KCNIP4: variants seen among roughly 807,000 people sequenced by gnomAD.
KCNIP4 encodes potassium voltage-gated channel interacting protein 4, also known as Kv channel-interacting protein 4.
In KCNIP4, 12 loss-of-function variants were observed where a neutral mutation model predicts 34.0. The observed-to-expected ratio is 0.35, with a 90% CI of 0.23 to 0.57. The LOEUF (loss-of-function observed/expected upper bound fraction) is 0.57. Among genes scored for constraint, KCNIP4 ranks in the 20% least tolerant of loss-of-function variants. KCNIP4 has a pLI of 0.83. For synonymous variants in KCNIP4, 124 were observed against 102.2 expected (o/e 1.21, Z -1.29); for missense variants, 238 against 311.7 (o/e 0.76, Z 1.78).
At chr4:21,680,565 C>A (rs931874337) in intron 1 of KCNIP4, among the ~76,000 whole-genome samples, 2 of 152,202 alleles carry the variant, frequency 1.3e-5, no homozygotes, top group African/African-American at 4.8e-5. Context: ...GAATCACTAT[C>A]TATGACAGTT....
At chr4:21,613,611 A>G (rs1744338816) in intron 1 of KCNIP4, 1 of 152,186 alleles carries the variant, frequency 6.6e-6, no homozygotes, top group South Asian at 2.1e-4. Context: ...TTTTGAGGTA[A>G]TTTATTATGT....
At chr4:20,736,473 C>G (rs1328708111) in intron 5 of KCNIP4, among the ~76,000 whole-genome samples, 3 of 151,704 alleles carry the variant, frequency 2.0e-5, no homozygotes, top group African/African-American at 7.3e-5. Context: ...AATTTTATAC[C>G]CTGTCAATTT....
chr4:21,738,100 T>C (rs945940350), intron 1 of KCNIP4, among the ~76,000 whole-genome samples: 4 of 28,420 alleles, frequency 1.4e-4, no homozygotes, highest in African/African-American at 7.2e-4. Context: ...TCAAAATAAA[T>C]AAATAAATAA....
chr4:20,921,742 T>G (rs779248240), intron 1 of KCNIP4, among the ~76,000 whole-genome samples: 2 of 152,206 alleles, frequency 1.3e-5, no homozygotes, highest in East Asian at 3.9e-4. Context: ...TGGTTCTGCA[T>G]AGAACATTTT....
chr4:20,775,561 T>C (rs1420767411), intron 3 of KCNIP4, among the ~76,000 whole-genome samples: 1 of 143,220 alleles, frequency 7.0e-6, no homozygotes, highest in Non-Finnish European at 1.5e-5. Context: ...AAAAAAAAGT[T>C]AGCCAGGAGT....
chr4:21,101,177 A>G (rs1747909737), intron 1 of KCNIP4, among the ~76,000 whole-genome samples: 1 of 152,082 alleles, frequency 6.6e-6, no homozygotes, highest in East Asian at 1.9e-4. Context: ...ATCTGTACGC[A>G]TTGTTCAGCT....
chr4:20,760,090 C>G (rs1010057101), intron 3 of KCNIP4, among the ~76,000 whole-genome samples: 1 of 152,084 alleles, frequency 6.6e-6, no homozygotes, highest in Non-Finnish European at 1.5e-5. Flanking sequence ...ATAAGTGGAC[C>G]CACACACTTC....
At chr4:21,580,292 G>A (rs988839901) in intron 1 of KCNIP4, among the ~76,000 whole-genome samples, 16 of 151,932 alleles carry the variant, frequency 1.1e-4, no homozygotes, top group Non-Finnish European at 2.2e-4. Context: ...ATTGACCTAT[G>A]TTCCACATAA....
intron 1 of KCNIP4, among the ~76,000 whole-genome samples, chr4:21,019,469 A>G (rs1739852185): frequency 6.6e-6 from 1 of 152,084 alleles, no homozygotes; most frequent in South Asian, 2.1e-4. Context: ...ATAACCTCAT[A>G]TTAACGGAAC....
At chr4:20,910,507 G>T (rs1004166555) in intron 1 of KCNIP4, among the ~76,000 whole-genome samples, 7 of 152,112 alleles carry the variant, frequency 4.6e-5, no homozygotes, top group African/African-American at 1.7e-4. Flanking sequence ...GGCTGAACAT[G>T]ACAAGAATAG....
At chr4:20,894,002 A>C (rs1272632183) in intron 1 of KCNIP4, among the ~76,000 whole-genome samples, 3 of 152,060 alleles carry the variant, frequency 2.0e-5, no homozygotes, top group Non-Finnish European at 4.4e-5. Context: ...TTCCTCAGCC[A>C]CCGGAGTAGC....
At chr4:21,632,360 C>T (rs1413490367) in intron 1 of KCNIP4, among the ~76,000 whole-genome samples, 3 of 151,744 alleles carry the variant, frequency 2.0e-5, no homozygotes, top group Non-Finnish European at 1.5e-5. Context: ...ATTACAGGTG[C>T]GAGCCACCAT....
At chr4:21,150,209 A>G (rs1224218456) in intron 1 of KCNIP4, among the ~76,000 whole-genome samples, 3 of 152,166 alleles carry the variant, frequency 2.0e-5, no homozygotes, top group Non-Finnish European at 2.9e-5. Context: ...AGGAGCATGG[A>G]GTTCCAGCAA....
At chr4:21,819,826 ACTTAT>A in intron 1 of KCNIP4, among the ~76,000 whole-genome samples, 1 of 152,104 alleles carries the variant, frequency 6.6e-6, no homozygotes, top group South Asian at 2.1e-4. Flanking sequence ...AGAGACACTT[ACTTAT>A]TGTTAGAAAA....
chr4:21,033,811 T>C (rs998706588), intron 1 of KCNIP4, among the ~76,000 whole-genome samples: 1 of 152,188 alleles, frequency 6.6e-6, no homozygotes, highest in Admixed American at 6.5e-5. Flanking sequence ...GTTGGAAAAC[T>C]ATTTCCAGCA....
intron 1 of KCNIP4, among the ~76,000 whole-genome samples, chr4:21,489,797 G>T (rs1346682140): frequency 6.6e-6 from 1 of 151,940 alleles, no homozygotes; most frequent in East Asian, 1.9e-4. Context: ...TTATCACTGG[G>T]AGTCTTTAAT....
chr4:21,074,837 G>A (rs1745326775), intron 1 of KCNIP4, among the ~76,000 whole-genome samples: 2 of 152,098 alleles, frequency 1.3e-5, no homozygotes, highest in African/African-American at 4.8e-5. Context: ...GCTATGTTGT[G>A]TCTTTGTTCT....
At chr4:20,909,987 C>T (rs1383309575) in intron 1 of KCNIP4, among the ~76,000 whole-genome samples, 1 of 152,188 alleles carries the variant, frequency 6.6e-6, no homozygotes, top group African/African-American at 2.4e-5. Context: ...CTAGTCTTCT[C>T]ATTAAGTGAG....
intron 1 of KCNIP4, among the ~76,000 whole-genome samples, chr4:20,912,009 A>G (rs1560564672): frequency 6.6e-6 from 1 of 152,156 alleles, no homozygotes; most frequent in Non-Finnish European, 1.5e-5. Flanking sequence ...ATGCTTAGTG[A>G]TAAGGTCCTC....
Sources: gnomAD v4.1 joint callset for allele counts (sites outside exome capture counted in the v4.1 genomes callset) on GRCh38, gnomAD v4.1.1 for gene constraint, MANE v1.5 for transcripts, NCBI Gene and HGNC (gene_info 2026-07-23, HGNC 2026-07-21) for gene names.